BLOC1S4: variants seen among roughly 807,000 people sequenced by gnomAD.
BLOC1S4 encodes the protein biogenesis of lysosomal organelles complex 1 subunit 4.
For missense variants in BLOC1S4, 332 were observed against 308.8 expected, an observed-to-expected ratio of 1.07 and a Z score of -0.56; for synonymous variants, 179 against 143.7, an observed-to-expected ratio of 1.25 and a Z score of -1.76.
chr4:6,716,182 G>T lies in BLOC1S4; in HGVS notation c.-28G>T, dbSNP rs757839189. The T allele has an allele frequency of 1.6e-6, 2 of 1,231,234 alleles. No homozygotes were observed. The highest frequency in any genetic ancestry group is 4.2e-5 in the Admixed American group (1 of 23,640). 76.3% of individuals were successfully genotyped at this position (1,231,234 alleles called of 1,614,324 possible). ...GTGAGCGCGCGGAGGCCGGAAGCGA[G>T]CGCTGCGCAGTCGGGTGGTCGCGGG... is the stretch of plus-strand genomic sequence containing the variant. On this transcript the variant is annotated 5_prime_UTR_variant, in exon 1 of 1. Transcript: ENST00000320776.
At position 6,716,442 on chromosome 4, in the gene BLOC1S4, C is replaced by A; in HGVS notation, c.233C>A (p.Ala78Glu). 1 of 1,526,670 alleles carries A rather than the reference C, an allele frequency of 6.6e-7. No individual in the cohort carries two copies. Among genetic ancestry groups the A allele is most frequent in the Non-Finnish European group, 8.8e-7 (1 of 1,141,952 alleles). The allele number at this position is 1,526,670 out of a possible 1,614,324, so 94.6% of individuals were successfully genotyped here. A position where few individuals can be genotyped will look rare whatever the true frequency, so the allele number is the denominator to read the frequency against. ...GCCTGCCTGCTGCCCGGGGCCGGGG[C>A]GCGGCCCGAGGTCGAGGCCCTGGAC... ...YAACLLPGAGARPEVEALDAS... is the reference protein window; with the variant it reads ...YAACLLPGAGERPEVEALDAS... The change falls in exon 1 of 1, where the codon GCG becomes GAG. Residue 78 changes from alanine (A) to glutamate (E), a missense_variant. By Grantham distance (107) the Ala-to-Glu change is moderately radical. Transcript: ENST00000320776.
Position 6,716,241 on chromosome 4 carries a change from T to C in BLOC1S4, c.32T>C (p.Leu11Pro), listed in dbSNP as rs905978018. The C allele has an allele frequency of 1.7e-5, 21 of 1,234,212 alleles. No individual in the cohort carries two copies. In the African/African-American group the frequency reaches 3.3e-4, roughly 19 times the overall value. 76.5% of individuals were successfully genotyped at this position (1,234,212 alleles called of 1,614,324 possible). The change falls in exon 1 of 1, where the codon CTG becomes CCG. Residue 11 changes from leucine to proline, a missense_variant. Physicochemically the swap from Leu to Pro is moderately conservative, Grantham distance 98. Coordinates refer to ENST00000320776, the MANE Select transcript of BLOC1S4 (RefSeq NM_018366.3). Reference sequence around the variant, plus strand: ...GGTAGCTTTTCGGATGGCGGAGCGCTGCCGGAGGGGCTCGCGGAAGAGGCC... The same window carrying C: ...GGTAGCTTTTCGGATGGCGGAGCGCCGCCGGAGGGGCTCGCGGAAGAGGCC... MEGSFSDGGA[L>P]PEGLAEEAEP...
rs200549566 is a variant in BLOC1S4, at chr4:6,716,869, T to G, written c.*6T>G. On this transcript the variant is annotated 3_prime_UTR_variant, in exon 1 of 1. Coordinates refer to ENST00000320776, the MANE Select transcript of BLOC1S4 (RefSeq NM_018366.3). Reference sequence around the variant, plus strand: ...GTGAAAGGCCTCAGCTCTGACGGCCTGACCACTGCGGCAAGAGGACCCCAG... The same window carrying G: ...GTGAAAGGCCTCAGCTCTGACGGCCGGACCACTGCGGCAAGAGGACCCCAG... 2.3e-4 allele frequency: 371 copies of G among 1,580,402 alleles called. No homozygotes were observed. The highest frequency in any genetic ancestry group is 1.8e-3 in the African/African-American group (131 of 74,270).
chr4:6,716,758 T>A lies in BLOC1S4; in HGVS notation c.549T>A (p.Phe183Leu). ...LLHTMNVPSL[F>L]SKSAPSRPQQ... is the part of the protein sequence containing the mutation. ...ACACGATGAACGTGCCCTCGCTCTT[T>A]AGCAAGTCTGCTCCCTCGAGGCCAC... is the stretch of plus-strand genomic sequence containing the variant. Residue 183 changes from phenylalanine (F) to leucine (L), a missense_variant, in exon 1 of 1, where the codon TTT (phenylalanine) becomes TTA (leucine). Transcript: ENST00000320776. 1 of 1,613,950 alleles carries A rather than the reference T, an allele frequency of 6.2e-7. No homozygotes were observed.
At position 6,717,140 on chromosome 4, in the gene BLOC1S4, G is replaced by A. The variant is rs1384013328; in HGVS notation, c.*277G>A. ...TCCTTCCACCTCAGCCTCCCCAGTA[G>A]CTGGGACTACGGGGTCGCCACTGCA... is the stretch of plus-strand genomic sequence containing the variant. On this transcript the variant is annotated 3_prime_UTR_variant, in exon 1 of 1. Transcript: ENST00000320776. 3.4e-6 allele frequency: 1 copy of A among 292,076 alleles called. No homozygotes were observed. The highest frequency in any genetic ancestry group is 2.2e-5 in the African/African-American group (1 of 45,652). 18.1% of individuals were successfully genotyped at this position (292,076 alleles called of 1,614,324 possible). A position where few individuals can be genotyped will look rare whatever the true frequency, so the allele number is the denominator to read the frequency against.
chr4:6,716,851 GCCTCAGCTCTGACGGCCTGA>G lies in BLOC1S4; in HGVS notation c.645_*10del. 6.2e-7 allele frequency: 1 copy of G among 1,600,022 alleles called. No individual in the cohort carries two copies. Among genetic ancestry groups the G allele is most frequent in the Non-Finnish European group, 8.6e-7 (1 of 1,169,216 alleles). ...ACTACTTCCCTTGTTGCAGTGAAAG[GCCTCAGCTCTGACGGCCTGA>G]CCACTGCGGCAAGAGGACCCCAGCT... On this transcript the variant is annotated stop_lost and 3_prime_UTR_variant, in exon 1 of 1. Coordinates refer to ENST00000320776, the MANE Select transcript of BLOC1S4 (RefSeq NM_018366.3).
chr4:6,716,303 A>C lies in BLOC1S4; in HGVS notation c.94A>C (p.Thr32Pro). 1 of 1,233,892 alleles carries C rather than the reference A, an allele frequency of 8.1e-7. No individual in the cohort carries two copies. The highest frequency in any genetic ancestry group is 1.0e-6 in the Non-Finnish European group (1 of 989,420). The allele number at this position is 1,233,892 out of a possible 1,614,324, so 76.4% of individuals were successfully genotyped here. Residue 32 changes from threonine to proline, a missense_variant, in exon 1 of 1, where the codon ACT becomes CCT. Coordinates refer to ENST00000320776, the MANE Select transcript of BLOC1S4 (RefSeq NM_018366.3). ...QGAAWSGDSG[T>P]VSQSHSSASG... ...CGCCGCCTGGAGCGGGGACAGTGGCACTGTTTCCCAGAGCCACAGCAGCGC... is the reference window on the plus strand; with the variant it reads ...CGCCGCCTGGAGCGGGGACAGTGGCCCTGTTTCCCAGAGCCACAGCAGCGC...
At position 6,716,876 on chromosome 4, in the gene BLOC1S4, TGCG is replaced by T. The variant is rs1560134542; in HGVS notation, c.*16_*18del. The T allele has an allele frequency of 6.4e-7, 1 of 1,573,356 alleles. No individual in the cohort carries two copies. Among genetic ancestry groups the T allele is most frequent in the Non-Finnish European group, 8.7e-7 (1 of 1,153,528 alleles). Reference sequence around the variant, plus strand: ...GCCTCAGCTCTGACGGCCTGACCACTGCGGCAAGAGGACCCCAGCTGGGGTGCT... The same window carrying T: ...GCCTCAGCTCTGACGGCCTGACCACTGCAAGAGGACCCCAGCTGGGGTGCT... On this transcript the variant is annotated 3_prime_UTR_variant, in exon 1 of 1. Transcript: ENST00000320776.
rs3172604 is a variant in BLOC1S4 at position 6,717,048 on chromosome 4, G to T, written c.*185G>T. The T allele has an allele frequency of 0.62, 365,520 of 586,092 alleles. 115,715 individuals carry two copies. The highest frequency in any genetic ancestry group is 0.71 in the Admixed American group (19,910 of 27,874). 36.3% of individuals were successfully genotyped at this position (586,092 alleles called of 1,614,324 possible). A position where few individuals can be genotyped will look rare whatever the true frequency, so the allele number is the denominator to read the frequency against. On this transcript the variant is annotated 3_prime_UTR_variant, in exon 1 of 1. Coordinates refer to ENST00000320776, the MANE Select transcript of BLOC1S4 (RefSeq NM_018366.3). ...AATGTATAGACTTTATGTCTTCCAAGTTTAAAAAAAGAGACAGGGTCTTGG... is the reference window on the plus strand; with the variant it reads ...AATGTATAGACTTTATGTCTTCCAATTTTAAAAAAAGAGACAGGGTCTTGG...
At position 6,716,924 on chromosome 4, in the gene BLOC1S4, A is replaced by G; in HGVS notation, c.*61A>G. The G allele has an allele frequency of 1.4e-6, 2 of 1,419,062 alleles. No individual in the cohort carries two copies. The highest frequency in any genetic ancestry group is 1.9e-6 in the Non-Finnish European group (2 of 1,055,836). The allele number at this position is 1,419,062 out of a possible 1,614,324, so 87.9% of individuals were successfully genotyped here. A position where few individuals can be genotyped will look rare whatever the true frequency, so the allele number is the denominator to read the frequency against. The stretch of plus-strand genomic sequence containing the variant: ...GGTGCTTACCTCCAGTATGAAGTGA[A>G]TTGCAAATCCTGCTTATGGACATAT... On this transcript the variant is annotated 3_prime_UTR_variant, in exon 1 of 1. Transcript: ENST00000320776.
Position 6,716,650 on chromosome 4 carries a change from C to G in BLOC1S4, c.441C>G (p.Gly147=). ...AGGCCTTCGTGAGGATGGTGGGGGG[C>G]CGCGTGGCCAGGATGGAGGAGCAGG... ...RLEAFVRMVG[G]RVARMEEQVT... Residue 147 remains glycine, a synonymous_variant, in exon 1 of 1, where the codon GGC becomes GGG. Coordinates refer to ENST00000320776, the MANE Select transcript of BLOC1S4 (RefSeq NM_018366.3). 2 of 1,609,750 alleles carry G rather than the reference C, an allele frequency of 1.2e-6. No homozygotes were observed. The highest frequency in any genetic ancestry group is 1.7e-4 in the Middle Eastern group (1 of 6,036).
chr4:6,717,643 G>A lies in BLOC1S4; in HGVS notation c.*780G>A, dbSNP rs1714947258. ...GTTAATAGAAATTTTGAGTTTTATT[G>A]GAAATGATTTCCTTCTGAAAAGAGC... is the stretch of plus-strand genomic sequence containing the variant. On this transcript the variant is annotated 3_prime_UTR_variant, in exon 1 of 1. Coordinates refer to ENST00000320776, the MANE Select transcript of BLOC1S4 (RefSeq NM_018366.3). 1 of 166,460 alleles carries A rather than the reference G, an allele frequency of 6.0e-6. No homozygotes were observed. The highest frequency in any genetic ancestry group is 1.5e-5 in the Non-Finnish European group (1 of 68,058). 10.3% of individuals were successfully genotyped at this position (166,460 alleles called of 1,614,324 possible). A position where few individuals can be genotyped will look rare whatever the true frequency, so the allele number is the denominator to read the frequency against.
Position 6,716,377 on chromosome 4 carries a change from C to T in BLOC1S4, c.168C>T (p.Arg56=), listed in dbSNP as rs1714900693. 6 of 1,237,778 alleles carry T rather than the reference C, an allele frequency of 4.8e-6. No homozygotes were observed. The East Asian group carries it at 1.9e-4, about 39-fold the overall frequency. The allele number at this position is 1,237,778 out of a possible 1,614,324, so 76.7% of individuals were successfully genotyped here. A position where few individuals can be genotyped will look rare whatever the true frequency, so the allele number is the denominator to read the frequency against. The change falls in exon 1 of 1, where the codon CGC becomes CGT. Residue 56 remains arginine (R), a synonymous_variant. Transcript: ENST00000320776. ...DEGAEDGAPG[R]DLPLLRRAAA... is the part of the protein sequence containing the mutation. ...GCGCGGAGGACGGCGCGCCGGGCCG[C>T]GACCTGCCGCTGCTTCGCCGCGCCG...
In BLOC1S4 at chr4:6,716,361, A is replaced by G; in HGVS notation, c.152A>G (p.Asp51Gly). ...SGPWEDEGAE[D>G]GAPGRDLPLL... ...CCGTGGGAGGACGAGGGCGCGGAGG[A>G]CGGCGCGCCGGGCCGCGACCTGCCG... Residue 51 changes from aspartate to glycine, a missense_variant, in exon 1 of 1, where the codon GAC (aspartate) becomes GGC (glycine). Coordinates refer to ENST00000320776, the MANE Select transcript of BLOC1S4 (RefSeq NM_018366.3). 2 of 1,235,746 alleles carry G rather than the reference A, an allele frequency of 1.6e-6. No individual in the cohort carries two copies. Among genetic ancestry groups the G allele is most frequent in the Middle Eastern group, 3.0e-4 (1 of 3,354 alleles). The allele number at this position is 1,235,746 out of a possible 1,614,324, so 76.5% of individuals were successfully genotyped here.
rs1714933892 is a variant in BLOC1S4 at position 6,717,114 on chromosome 4, A to G, written c.*251A>G. The G allele has an allele frequency of 2.9e-6, 1 of 345,482 alleles. No homozygotes were observed. The highest frequency in any genetic ancestry group is 5.6e-5 in the East Asian group (1 of 18,008). The allele number at this position is 345,482 out of a possible 1,614,324, so 21.4% of individuals were successfully genotyped here. On this transcript the variant is annotated 3_prime_UTR_variant, in exon 1 of 1. Transcript: ENST00000320776. The stretch of plus-strand genomic sequence containing the variant: ...GTTCGGAAACTCCTGGGCTCAAGTG[A>G]TCCTTCCACCTCAGCCTCCCCAGTA...
Position 6,716,196 on chromosome 4 carries a change from G to T in BLOC1S4, c.-14G>T. 1 of 1,232,408 alleles carries T rather than the reference G, an allele frequency of 8.1e-7. No individual in the cohort carries two copies. Among genetic ancestry groups the T allele is most frequent in the Non-Finnish European group, 1.0e-6 (1 of 986,762 alleles). The allele number at this position is 1,232,408 out of a possible 1,614,324, so 76.3% of individuals were successfully genotyped here. ...GCCGGAAGCGAGCGCTGCGCAGTCG[G>T]GTGGTCGCGGGCCATGGAGGGTAGC... On this transcript the variant is annotated 5_prime_UTR_variant, in exon 1 of 1. Transcript: ENST00000320776.
chr4:6,716,588 G>A lies in BLOC1S4; in HGVS notation c.379G>A (p.Glu127Lys). The A allele has an allele frequency of 6.3e-7, 1 of 1,599,688 alleles. No homozygotes were observed. The highest frequency in any genetic ancestry group is 8.5e-7 in the Non-Finnish European group (1 of 1,176,878). The change falls in exon 1 of 1, where the codon GAG becomes AAG. Residue 127 changes from glutamate to lysine, a missense_variant. Physicochemically the swap from Glu to Lys is moderately conservative, Grantham distance 56 (BLOSUM62 1). Coordinates refer to ENST00000320776, the MANE Select transcript of BLOC1S4 (RefSeq NM_018366.3). ...GVPRIHAKAA[E>K]MRRIYSRIDR... ...GCCGCGCATCCACGCGAAGGCCGCCGAGATGCGGCGCATCTACAGCAGGAT... is the reference window on the plus strand; with the variant it reads ...GCCGCGCATCCACGCGAAGGCCGCCAAGATGCGGCGCATCTACAGCAGGAT...
rs1249478644 is a variant in BLOC1S4, at chr4:6,716,874, A to G, written c.*11A>G. 1 of 1,574,960 alleles carries G rather than the reference A, an allele frequency of 6.3e-7. No homozygotes were observed. The highest frequency in any genetic ancestry group is 1.7e-4 in the Middle Eastern group (1 of 5,902). On this transcript the variant is annotated 3_prime_UTR_variant, in exon 1 of 1. Coordinates refer to ENST00000320776, the MANE Select transcript of BLOC1S4 (RefSeq NM_018366.3). ...AGGCCTCAGCTCTGACGGCCTGACCACTGCGGCAAGAGGACCCCAGCTGGG... is the reference window on the plus strand; with the variant it reads ...AGGCCTCAGCTCTGACGGCCTGACCGCTGCGGCAAGAGGACCCCAGCTGGG...
At position 6,716,560 on chromosome 4, in the gene BLOC1S4, C is replaced by T. The variant is rs1714913084; in HGVS notation, c.351C>T (p.Gly117=). 1 of 1,576,612 alleles carries T rather than the reference C, an allele frequency of 6.3e-7. No homozygotes were observed. The highest frequency in any genetic ancestry group is 8.6e-7 in the Non-Finnish European group (1 of 1,166,352). ...RGDSSHVVSE[G]VPRIHAKAAE... The stretch of plus-strand genomic sequence containing the variant: ...ACTCGTCCCACGTCGTCAGCGAGGG[C>T]GTGCCGCGCATCCACGCGAAGGCCG... Residue 117 remains glycine, a synonymous_variant, in exon 1 of 1, where the codon GGC becomes GGT. Coordinates refer to ENST00000320776, the MANE Select transcript of BLOC1S4 (RefSeq NM_018366.3).
Sources: allele counts gnomAD v4.1 joint callset, GRCh38; gene constraint gnomAD v4.1.1; transcripts MANE v1.5; gene names NCBI Gene and HGNC (gene_info 2026-07-23, HGNC 2026-07-21).